Variants in CDKAL1 observed in about 807,000 individuals in gnomAD.
CDKAL1 encodes threonylcarbamoyladenosine tRNA methylthiotransferase.
In CDKAL1, 32 loss-of-function variants were observed where a neutral mutation model predicts 68.2. That is an observed-to-expected ratio of 0.47 (90% confidence interval 0.35 to 0.63). The LOEUF is 0.63. CDKAL1 is among the 30% of genes least tolerant of loss of function. The pLI is 0.00. For synonymous variants in CDKAL1, 234 were observed against 244.3 expected, an observed-to-expected ratio of 0.96 and a Z score of 0.39; for missense variants, 606 against 696.7, an observed-to-expected ratio of 0.87 and a Z score of 1.47.
chr6:20,712,675 C>T (rs1468095167), intron 5 of CDKAL1, among the ~76,000 whole-genome samples: 1 of 151,412 alleles, frequency 6.6e-6, no homozygotes, highest in Non-Finnish European at 1.5e-5. Flanking sequence ...GATGGAGTCT[C>T]ACTCTGTCGC....
intron 15 of CDKAL1, among the ~76,000 whole-genome samples, chr6:21,205,754 A>C (rs1778894239): frequency 6.9e-6 from 1 of 144,960 alleles, no homozygotes; most frequent in South Asian, 2.2e-4. Flanking sequence ...GATGGTCTCG[A>C]TCTCCTGACC....
At chr6:20,722,103 T>A (rs1772406397) in intron 5 of CDKAL1, among the ~76,000 whole-genome samples, 1 of 152,176 alleles carries the variant, frequency 6.6e-6, no homozygotes. Context: ...ACTTGCAGGT[T>A]ACTCTGGAAG....
At chr6:20,855,535 A>G (rs1759291287) in intron 9 of CDKAL1, among the ~76,000 whole-genome samples, 1 of 151,938 alleles carries the variant, frequency 6.6e-6, no homozygotes, top group Non-Finnish European at 1.5e-5. Flanking sequence ...TGCTAAGACA[A>G]TACAAAGTAT....
In CDKAL1 at chr6:20,839,590, T is replaced by C. The variant is rs923133602; in HGVS notation, c.639-6485T>C. ...CTCTTGTTGCATAGTCTGCTTGGAA[T>C]GGTGTACAGATTGTAGTGTGTTTAT... On this transcript the variant is annotated intron_variant, in intron 8 of 15. Coordinates refer to ENST00000274695, the MANE Select transcript of CDKAL1 (RefSeq NM_017774.3). Among the ~76,000 whole-genome samples the C allele has an allele frequency of 2.6e-5, 4 of 152,132 alleles. No homozygotes were observed. The South Asian group carries it at 8.3e-4, about 32-fold the overall frequency.
chr6:20,907,963 T>A (rs1762304711), intron 9 of CDKAL1, among the ~76,000 whole-genome samples: 1 of 152,156 alleles, frequency 6.6e-6, no homozygotes, highest in Admixed American at 6.5e-5. Flanking sequence ...AACGCTGACA[T>A]CCACGGCTCT....
chr6:21,053,464 C>T (rs918602297), intron 11 of CDKAL1, among the ~76,000 whole-genome samples: 2 of 152,146 alleles, frequency 1.3e-5, no homozygotes, highest in South Asian at 2.1e-4. Context: ...CTTACATTTT[C>T]GTTTCCCTTG....
intron 13 of CDKAL1, among the ~76,000 whole-genome samples, chr6:21,141,536 A>G (rs113284132): frequency 6.6e-5 from 10 of 152,300 alleles, no homozygotes; most frequent in African/African-American, 2.4e-4. Context: ...GTACTTAATA[A>G]TTTTTGAATG....
At chr6:20,584,642 AG>A (rs1288628591) in intron 4 of CDKAL1, among the ~76,000 whole-genome samples, 1 of 152,198 alleles carries the variant, frequency 6.6e-6, no homozygotes, top group Non-Finnish European at 1.5e-5. Context: ...CTGGGTAGTT[AG>A]GTAGTTCTAA....
intron 9 of CDKAL1, among the ~76,000 whole-genome samples, chr6:20,882,450 A>G (rs1760871730): frequency 6.6e-6 from 1 of 152,134 alleles, no homozygotes; most frequent in Non-Finnish European, 1.5e-5. Flanking sequence ...TATTAAACAG[A>G]TGTGTTTACT....
In CDKAL1 at chr6:20,548,673, G is replaced by C; in HGVS notation, c.254G>C (p.Gly85Ala). ...HNNSDGEYMA[G>A]QLAAYGYKIT... ...AATTCAGATGGAGAATATATGGCTG[G>C]ACAGCTAGCTGCTTATGGCTATAAA... Residue 85 changes from glycine to alanine, a missense_variant, in exon 4 of 16, where the codon GGA becomes GCA. Gly to Ala is a moderately conservative substitution (Grantham distance 60). Coordinates refer to ENST00000274695, the MANE Select transcript of CDKAL1 (RefSeq NM_017774.3). 6.3e-7 allele frequency: 1 copy of C among 1,583,482 alleles called. No homozygotes were observed. Among genetic ancestry groups the C allele is most frequent in the African/African-American group, 1.4e-5 (1 of 73,964 alleles).
intron 5 of CDKAL1, among the ~76,000 whole-genome samples, chr6:20,662,871 A>G (rs1368621166): frequency 6.6e-6 from 1 of 152,162 alleles, no homozygotes; most frequent in African/African-American, 2.4e-5. Context: ...TCTGCATGTC[A>G]TAGAAAACCT....
chr6:20,957,108 A>T (rs1412118825), intron 10 of CDKAL1, among the ~76,000 whole-genome samples: 1 of 151,984 alleles, frequency 6.6e-6, no homozygotes, highest in Non-Finnish European at 1.5e-5. Context: ...ACCAGGAGAT[A>T]TACTAGACGT....
chr6:20,999,423 C>G (rs2150815751), intron 10 of CDKAL1, among the ~76,000 whole-genome samples: 1 of 152,064 alleles, frequency 6.6e-6, no homozygotes, highest in Middle Eastern at 3.4e-3. Flanking sequence ...TTCTTATTCG[C>G]CCCCTTTGTA....
chr6:21,007,636 G>C (rs1417522024), intron 11 of CDKAL1, among the ~76,000 whole-genome samples: 2 of 151,986 alleles, frequency 1.3e-5, no homozygotes, highest in African/African-American at 4.8e-5. Flanking sequence ...GTCCAGACTA[G>C]TAATAAATGC....
chr6:20,802,941 G>A (rs1184948777), intron 8 of CDKAL1, among the ~76,000 whole-genome samples: 1 of 152,156 alleles, frequency 6.6e-6, no homozygotes, highest in Non-Finnish European at 1.5e-5. Flanking sequence ...AAATGCAGAA[G>A]AGACATCCTA....
At chr6:20,797,485 C>G (rs767152619) in intron 8 of CDKAL1, among the ~76,000 whole-genome samples, 1 of 152,154 alleles carries the variant, frequency 6.6e-6, no homozygotes, top group Non-Finnish European at 1.5e-5. Context: ...GAACGTCCTA[C>G]TTTTAGGTAT....
intron 4 of CDKAL1, among the ~76,000 whole-genome samples, chr6:20,634,848 A>G (rs1305229990): frequency 7.2e-5 from 11 of 151,972 alleles, no homozygotes; most frequent in Admixed American, 7.2e-4. Context: ...ATGGTGGCTC[A>G]TGCCTGTAAT....
intron 5 of CDKAL1, among the ~76,000 whole-genome samples, chr6:20,701,105 T>G (rs1418889011): frequency 2.6e-5 from 4 of 152,162 alleles, no homozygotes; most frequent in African/African-American, 9.7e-5. Context: ...TAAGCAGTTC[T>G]CCACCTTAGG....
At chr6:21,010,165 A>G (rs1386035216) in intron 11 of CDKAL1, among the ~76,000 whole-genome samples, 1 of 152,218 alleles carries the variant, frequency 6.6e-6, no homozygotes, top group Non-Finnish European at 1.5e-5. Flanking sequence ...AAATGAAGCT[A>G]TGTTTGAATG....
Sources: allele counts gnomAD v4.1 joint callset (sites outside exome capture counted in the v4.1 genomes callset), GRCh38; gene constraint gnomAD v4.1.1; transcripts MANE v1.5; gene names NCBI Gene and HGNC (gene_info 2026-07-23, HGNC 2026-07-21).